The following CCDC3 variants were observed in gnomAD, a reference collection of about 807,000 sequenced individuals.
The protein encoded by CCDC3 is coiled-coil domain-containing protein 3.
A neutral mutation model predicts 21.4 loss-of-function variants in CCDC3; 24 were observed. The observed-to-expected ratio is 1.12, with a 90% CI of 0.81 to 1.58. The LOEUF is 1.58. Ranked by LOEUF, CCDC3 falls within the 40% of genes most tolerant of loss-of-function variation. The pLI is 0.00. For missense variants in CCDC3, 425 were observed against 360.9 expected, an observed-to-expected ratio of 1.18 and a Z score of -1.44; for synonymous variants, 186 against 166.0, an observed-to-expected ratio of 1.12 and a Z score of -0.93.
At position 12,898,290 on chromosome 10, in the gene CCDC3, C is replaced by T; in HGVS notation, c.*126G>A. ...AAGCCTTGCATTTTATCCATTTAGA[C>T]TCTACCAAATGCGTGATTAAAAACA... On this transcript the variant is annotated 3_prime_UTR_variant, in exon 3 of 3. Coordinates refer to ENST00000378825, the MANE Select transcript of CCDC3 (RefSeq NM_031455.4). 9.4e-7 allele frequency: 1 copy of T among 1,066,096 alleles called. No individual in the cohort carries two copies. The highest frequency in any genetic ancestry group is 1.3e-6 in the Non-Finnish European group (1 of 750,972). The allele number at this position is 1,066,096 out of a possible 1,614,324, so 66.0% of individuals were successfully genotyped here.
intron 2 of CCDC3, among the ~76,000 whole-genome samples, chr10:12,916,528 G>A (rs1265470245): frequency 1.3e-5 from 2 of 150,920 alleles, no homozygotes; most frequent in Non-Finnish European, 1.5e-5. Flanking sequence ...CCTGAGGCAG[G>A]AGAATCGCTT....
Position 12,959,806 on chromosome 10 carries a change from C to A in CCDC3, c.549+38532G>T, listed in dbSNP as rs146583531. Among the ~76,000 whole-genome samples the A allele has an allele frequency of 1.4e-3, 215 of 152,250 alleles. 3 individuals are homozygous for A. The highest frequency in any genetic ancestry group is 0.013 in the Admixed American group (194 of 15,300). ...GCCCTTACCATTGCGTCCCATGGCACCCAAAACACTCACAAGTGAGGCCCA... is the reference window on the plus strand; with the variant it reads ...GCCCTTACCATTGCGTCCCATGGCAACCAAAACACTCACAAGTGAGGCCCA... On this transcript the variant is annotated intron_variant, in intron 2 of 2. Transcript: ENST00000378825.
intron 2 of CCDC3, among the ~76,000 whole-genome samples, chr10:12,910,915 G>T (rs1485490026): frequency 6.6e-6 from 1 of 152,216 alleles, no homozygotes; most frequent in East Asian, 1.9e-4. Flanking sequence ...TTTATATGTG[G>T]AAGGCAGTAT....
intron 2 of CCDC3, among the ~76,000 whole-genome samples, chr10:12,933,365 T>A (rs1218946386): frequency 3.3e-5 from 5 of 152,234 alleles, no homozygotes; most frequent in Non-Finnish European, 2.9e-5. Context: ...TCTTTTTACA[T>A]GAATTTTAAC....
intron 5 of CCDC3, among the ~76,000 whole-genome samples, chr10:13,041,065 A>G (rs1042492138): frequency 2.6e-5 from 4 of 151,796 alleles, no homozygotes; most frequent in African/African-American, 9.7e-5. Context: ...AACACTGAGT[A>G]ATTATTTTTC....
At chr10:13,045,404 G>A (rs1367824232) in intron 5 of CCDC3, among the ~76,000 whole-genome samples, 3 of 152,128 alleles carry the variant, frequency 2.0e-5, no homozygotes, top group Non-Finnish European at 4.4e-5. Flanking sequence ...ACTTTGTGAG[G>A]TCAAGGCAGG....
intron 2 of CCDC3, among the ~76,000 whole-genome samples, chr10:12,940,122 T>G (rs1346109461): frequency 6.6e-6 from 1 of 152,150 alleles, no homozygotes; most frequent in Non-Finnish European, 1.5e-5. Context: ...TGGTGGATGT[T>G]TTTACATAGA....
chr10:13,060,437 T>C (rs2580898), intron 4 of CCDC3, among the ~76,000 whole-genome samples: 88,283 of 151,878 alleles, frequency 0.58, 26,467 homozygotes, highest in African/African-American at 0.73. Flanking sequence ...GCAGAAGTCA[T>C]CAGAGAGGTG....
chr10:12,983,734 G>A lies in CCDC3; in HGVS notation c.549+14604C>T, dbSNP rs150962471. 3.1e-4 allele frequency among the ~76,000 whole-genome samples: 47 copies of A among 151,366 alleles called. 1 individual carries two copies. In the East Asian group the frequency reaches 8.7e-3, roughly 28 times the overall value. On this transcript the variant is annotated intron_variant, in intron 2 of 2. Transcript: ENST00000378825. ...CAAAGAGGCCGGACAGATGGTAAATGTACAGATGAAAAGATGATTGACATC... is the reference window on the plus strand; with the variant it reads ...CAAAGAGGCCGGACAGATGGTAAATATACAGATGAAAAGATGATTGACATC...
At chr10:12,908,155 C>T (rs891786415) in intron 2 of CCDC3, among the ~76,000 whole-genome samples, 1 of 152,332 alleles carries the variant, frequency 6.6e-6, no homozygotes, top group East Asian at 1.9e-4. Flanking sequence ...GATAAATCTA[C>T]TACAAAGGTT....
intron 4 of CCDC3, among the ~76,000 whole-genome samples, chr10:13,054,126 C>CAGAG (rs71386142): frequency 7.1e-5 from 9 of 127,210 alleles, no homozygotes; most frequent in Admixed American, 1.8e-4. Flanking sequence ...GCCTGGGTGA[C>CAGAG]AGAGAGAGAG....
At chr10:13,082,273 TG>T (rs1033894235) in intron 3 of CCDC3, among the ~76,000 whole-genome samples, 6 of 152,238 alleles carry the variant, frequency 3.9e-5, no homozygotes, top group Admixed American at 1.3e-4. Context: ...TAAGGTCACG[TG>T]GGTCACATGT....
At chr10:12,918,252 T>C (rs1260759351) in intron 2 of CCDC3, among the ~76,000 whole-genome samples, 1 of 152,200 alleles carries the variant, frequency 6.6e-6, no homozygotes, top group Non-Finnish European at 1.5e-5. Context: ...TTTTATAATA[T>C]ATGATGTGAT....
intron 2 of CCDC3, among the ~76,000 whole-genome samples, chr10:12,986,702 G>A (rs759878227): frequency 4.6e-5 from 7 of 151,878 alleles, no homozygotes; most frequent in Non-Finnish European, 7.4e-5. Flanking sequence ...TGACGCGGGA[G>A]GCGGAGCTTG....
upstream of CCDC3, among the ~76,000 whole-genome samples, chr10:13,004,487 G>A (rs1835902554): frequency 6.6e-6 from 1 of 152,084 alleles, no homozygotes; most frequent in Non-Finnish European, 1.5e-5. Context: ...TGGTGCTACT[G>A]GCAGAAGCAT....
intron 1 of CCDC3, among the ~76,000 whole-genome samples, chr10:13,000,021 A>G (rs1835822216): frequency 6.6e-6 from 1 of 152,228 alleles, no homozygotes. Flanking sequence ...TCTGGCTTCA[A>G]TATGGAAAAC....
At chr10:13,020,722 A>C (rs1836134439) in intron 5 of CCDC3, among the ~76,000 whole-genome samples, 1 of 152,192 alleles carries the variant, frequency 6.6e-6, no homozygotes, top group East Asian at 1.9e-4. Flanking sequence ...CACTCAATTG[A>C]GGAAGATACT....
At chr10:13,079,270 A>G (rs7079763) in intron 3 of CCDC3, among the ~76,000 whole-genome samples, 113,520 of 142,964 alleles carry the variant, frequency 0.79, 42,707 homozygotes, top group Middle Eastern at 0.85. Context: ...ATGAGGAGGC[A>G]CGCGTTGTGG....
rs374950220 is a variant in CCDC3, at chr10:12,898,464, C to A, written c.765G>T (p.Pro255=). 2 of 1,612,188 alleles carry A rather than the reference C, an allele frequency of 1.2e-6. No homozygotes were observed. The change falls in exon 3 of 3, where the codon CCG becomes CCT. Residue 255 remains proline (P), a synonymous_variant. Coordinates refer to ENST00000378825, the MANE Select transcript of CCDC3 (RefSeq NM_031455.4). ...GCACGGGCCCCCGGGCATTGATGTG[C>A]GGCAGCGCGCCCGCCGCCAGCTTCT... The part of the protein sequence containing the change: ...LSEKLAAGAL[P]HINARGPVRP...
Sources: allele counts gnomAD v4.1 joint callset (sites outside exome capture counted in the v4.1 genomes callset), GRCh38; gene constraint gnomAD v4.1.1; transcripts MANE v1.5; gene names NCBI Gene and HGNC (gene_info 2026-07-23, HGNC 2026-07-21).